CHCHD6: variants seen among roughly 807,000 people sequenced by gnomAD.
CHCHD6 encodes MICOS complex subunit MIC25.
Under a neutral mutation model 32.3 loss-of-function variants are expected in CHCHD6, and 28 were observed. That is an observed-to-expected ratio of 0.87 (90% confidence interval 0.64 to 1.19). CHCHD6 has a LOEUF of 1.19. Among genes scored for constraint, CHCHD6 ranks in the 50% most tolerant of loss-of-function variants. The pLI, the probability that CHCHD6 is intolerant of heterozygous loss-of-function variation, is 0.00. For missense variants in CHCHD6, 333 were observed against 307.0 expected, an observed-to-expected ratio of 1.08 and a Z score of -0.63; for synonymous variants, 122 against 117.5, an observed-to-expected ratio of 1.04 and a Z score of -0.25.
At chr3:126,887,627 G>A (rs1487261414) in intron 5 of CHCHD6, among the ~76,000 whole-genome samples, 1 of 152,076 alleles carries the variant, frequency 6.6e-6, no homozygotes, top group South Asian at 2.1e-4. Context: ...CTTCTGACTC[G>A]GGCCTCCTAT....
At chr3:126,892,318 G>A (rs991299227) in intron 5 of CHCHD6, among the ~76,000 whole-genome samples, 1 of 152,214 alleles carries the variant, frequency 6.6e-6, no homozygotes, top group Non-Finnish European at 1.5e-5. Flanking sequence ...TCAAACAACA[G>A]CCATGAAAAC....
intron 6 of CHCHD6, chr3:126,934,970 G>A (rs1440045325): frequency 5.2e-6 from 1 of 193,438 alleles, no homozygotes; most frequent in East Asian, 1.9e-4. Context: ...AAGGAGGACT[G>A]AGGAAATGGT....
chr3:126,876,522 T>A (rs2077540997), intron 5 of CHCHD6, among the ~76,000 whole-genome samples: 1 of 152,278 alleles, frequency 6.6e-6, no homozygotes, highest in Admixed American at 6.5e-5. Flanking sequence ...TGGTGAGGTA[T>A]AATTGTTAAC....
chr3:126,939,531 G>A (rs1343964576), intron 6 of CHCHD6, among the ~76,000 whole-genome samples: 1 of 152,168 alleles, frequency 6.6e-6, no homozygotes, highest in Non-Finnish European at 1.5e-5. Flanking sequence ...GGAGATGTGG[G>A]GGGACACAGT....
At chr3:126,795,520 A>G (rs76115843) in intron 4 of CHCHD6, among the ~76,000 whole-genome samples, 4,343 of 152,288 alleles carry the variant, frequency 0.029, 93 homozygotes, top group African/African-American at 0.061. Flanking sequence ...CCAGGGTAAT[A>G]TAACCCAGAA....
chr3:126,822,097 A>C (rs190819918), intron 4 of CHCHD6, among the ~76,000 whole-genome samples: 1 of 152,094 alleles, frequency 6.6e-6, no homozygotes, highest in Non-Finnish European at 1.5e-5. Flanking sequence ...TTCTTTGGTT[A>C]CTTGTGTTTT....
In CHCHD6 at chr3:126,714,103, A is replaced by AAAT. The variant is rs1162121930; in HGVS notation, c.87+9704_87+9705insAAT. ...AAAAAAAAAAAAAAAAAAAAAAAAA[A>AAAT]GTTGGGAGGCTTTACATAAAATTTA... On this transcript the variant is annotated intron_variant, in intron 1 of 7. Coordinates refer to ENST00000290913, the MANE Select transcript of CHCHD6 (RefSeq NM_032343.3). Among the ~76,000 whole-genome samples, 214 of 146,248 alleles carry AAAT rather than the reference A, an allele frequency of 1.5e-3. 2 individuals carry two copies. Among genetic ancestry groups the AAAT allele is most frequent in the African/African-American group, 4.9e-3 (193 of 39,734 alleles).
At chr3:126,853,205 G>A (rs1188313857) in intron 5 of CHCHD6, among the ~76,000 whole-genome samples, 1 of 149,188 alleles carries the variant, frequency 6.7e-6, no homozygotes, top group African/African-American at 2.5e-5. Context: ...GCTTTTCTAA[G>A]GATAAGCCTT....
intron 6 of CHCHD6, among the ~76,000 whole-genome samples, chr3:126,946,218 A>T (rs79081083): frequency 7.6e-4 from 116 of 152,266 alleles, no homozygotes; most frequent in Non-Finnish European, 1.3e-3. Context: ...ACCAAAGGCC[A>T]CCATGGCCCT....
rs566835494 is a variant in CHCHD6, at chr3:126,746,578, C to T, written c.411+13356C>T. 3.3e-5 allele frequency among the ~76,000 whole-genome samples: 5 copies of T among 152,254 alleles called. No individual in the cohort carries two copies. The South Asian group carries it at 1.0e-3, about 32-fold the overall frequency. ...CCCAGGTGTCAGACAATGTTGAACA[C>T]GGGGCCCATTCTCTAGCTGACTGGT... is the stretch of plus-strand genomic sequence containing the variant. On this transcript the variant is annotated intron_variant, in intron 4 of 7. Transcript: ENST00000290913.
chr3:126,824,032 C>T (rs925381151), intron 4 of CHCHD6, among the ~76,000 whole-genome samples: 1 of 152,070 alleles, frequency 6.6e-6, no homozygotes, highest in Non-Finnish European at 1.5e-5. Flanking sequence ...CTATAATCGC[C>T]ACACCACTGC....
At chr3:126,817,865 T>C (rs1227241636) in intron 4 of CHCHD6, among the ~76,000 whole-genome samples, 3 of 151,204 alleles carry the variant, frequency 2.0e-5, no homozygotes, top group African/African-American at 7.3e-5. Flanking sequence ...CTTCCCCATT[T>C]TCTATTTGAA....
At chr3:126,953,196 C>T in intron 6 of CHCHD6, 2 of 928,246 alleles carry the variant, frequency 2.2e-6, no homozygotes, top group Non-Finnish European at 2.6e-6. Flanking sequence ...TTTGTCTGAT[C>T]CCAGAACCTG....
intron 6 of CHCHD6, among the ~76,000 whole-genome samples, chr3:126,945,520 G>C (rs1026778623): frequency 4.7e-5 from 7 of 149,708 alleles, no homozygotes; most frequent in Non-Finnish European, 8.9e-5. Flanking sequence ...GACTTGGGAG[G>C]GGGGAGACTT....
chr3:126,754,628 G>A (rs1187354857), intron 4 of CHCHD6, among the ~76,000 whole-genome samples: 5 of 152,160 alleles, frequency 3.3e-5, no homozygotes, highest in African/African-American at 9.7e-5. Context: ...CTCGGCTTCC[G>A]AAGTGAAAAT....
chr3:126,938,513 C>T (rs1428557216), intron 6 of CHCHD6, among the ~76,000 whole-genome samples: 3 of 152,122 alleles, frequency 2.0e-5, no homozygotes, highest in Non-Finnish European at 2.9e-5. Context: ...TTATTGCTGT[C>T]GACTCTGTTA....
At chr3:126,892,831 G>A (rs941802538) in intron 5 of CHCHD6, among the ~76,000 whole-genome samples, 2 of 152,210 alleles carry the variant, frequency 1.3e-5, no homozygotes, top group African/African-American at 2.4e-5. Context: ...GCCTGCCATT[G>A]TGTCTGTCTC....
At chr3:126,928,590 T>TG (rs2078357805) in intron 6 of CHCHD6, among the ~76,000 whole-genome samples, 1 of 152,204 alleles carries the variant, frequency 6.6e-6, no homozygotes, top group Non-Finnish European at 1.5e-5. Flanking sequence ...CTATAACTGT[T>TG]GGTCACTGGT....
chr3:126,787,792 C>G (rs1938298728), intron 4 of CHCHD6, among the ~76,000 whole-genome samples: 2 of 152,178 alleles, frequency 1.3e-5, no homozygotes, highest in Admixed American at 1.3e-4. Flanking sequence ...TTGACTTCCT[C>G]TTTTCCTAAT....
Sources: gnomAD v4.1 joint callset for allele counts (sites outside exome capture counted in the v4.1 genomes callset) on GRCh38, gnomAD v4.1.1 for gene constraint, MANE v1.5 for transcripts, NCBI Gene and HGNC (gene_info 2026-07-23, HGNC 2026-07-21) for gene names.